Variants in OSBPL3 observed in about 807,000 individuals in gnomAD.
The protein encoded by OSBPL3 is oxysterol-binding protein-related protein 3.
OSBPL3 carries 65 observed loss-of-function variants against 120.1 expected under a neutral mutation model. That is an observed-to-expected ratio of 0.54 (90% CI 0.44 to 0.67). OSBPL3 has a LOEUF of 0.67. Among genes scored for constraint, OSBPL3 ranks in the 30% least tolerant of loss-of-function variants. The pLI, the probability that OSBPL3 is intolerant of heterozygous loss-of-function variation, is 0.00. For synonymous variants in OSBPL3, 416 were observed against 402.6 expected, an observed-to-expected ratio of 1.03 and a Z score of -0.40; for missense variants, 1,004 against 1,082.1, an observed-to-expected ratio of 0.93 and a Z score of 1.01.
chr7:24,841,904 C>T (rs1209428220), intron 13 of OSBPL3, among the ~76,000 whole-genome samples: 1 of 150,080 alleles, frequency 6.7e-6, no homozygotes, highest in Non-Finnish European at 1.5e-5. Context: ...TCCCAGCTAC[C>T]TGGTAGGCTG....
intron 19 of OSBPL3, among the ~76,000 whole-genome samples, chr7:24,814,553 C>T (rs113409379): frequency 0.03 from 4,500 of 152,128 alleles, 193 homozygotes; most frequent in African/African-American, 0.096. Flanking sequence ...AATACATTCA[C>T]AATGCTGTGC....
chr7:24,899,500 T>C lies in OSBPL3; in HGVS notation c.-149-6879A>G, dbSNP rs1287199631. ...ACCATCATTATAATCATTATTAAAT[T>C]ATCACATGTTAATTTTGACCCATGT... is the stretch of plus-strand genomic sequence containing the variant. On this transcript the variant is annotated intron_variant, in intron 1 of 22. Transcript: ENST00000313367. The surrounding 1 kb of genome is among the most constrained non-coding windows in gnomAD (Gnocchi z 4.0). 2.6e-5 allele frequency among the ~76,000 whole-genome samples: 4 copies of C among 152,240 alleles called. No homozygotes were observed. Among genetic ancestry groups the C allele is most frequent in the African/African-American group, 9.6e-5 (4 of 41,460 alleles).
chr7:24,806,967 C>T lies in OSBPL3; in HGVS notation c.2318-65G>A. The T allele has an allele frequency of 6.9e-7, 1 of 1,451,832 alleles. No homozygotes were observed. The highest frequency in any genetic ancestry group is 9.3e-7 in the Non-Finnish European group (1 of 1,075,218). The allele number at this position is 1,451,832 out of a possible 1,614,324, so 89.9% of individuals were successfully genotyped here. A position where few individuals can be genotyped will look rare whatever the true frequency, so the allele number is the denominator to read the frequency against. On this transcript the variant is annotated intron_variant, in intron 20 of 22. Coordinates refer to ENST00000313367, the MANE Select transcript of OSBPL3 (RefSeq NM_015550.4). This position sits in a 1 kb window ranked among gnomAD's most constrained non-coding sequence, Gnocchi z 5.2. ...TACTTATGTTACATTTTAATTCCTT[C>T]ACCTTTTTCGTCTCAGCCTAGCTAC...
intron 10 of OSBPL3, among the ~76,000 whole-genome samples, chr7:24,860,559 G>GT (rs1242038909): frequency 6.6e-6 from 1 of 152,120 alleles, no homozygotes; most frequent in African/African-American, 2.4e-5. Flanking sequence ...TGCCATGATT[G>GT]TGAGGCCTCC....
At position 24,817,080 on chromosome 7, in the gene OSBPL3, CAGG is replaced by C. The variant is rs1399004289; in HGVS notation, c.1949-395_1949-393del. 6.6e-5 allele frequency among the ~76,000 whole-genome samples: 10 copies of C among 152,108 alleles called. No homozygotes were observed. Among genetic ancestry groups the C allele is most frequent in the Non-Finnish European group, 5.9e-5 (4 of 68,024 alleles). ...TCTAAATGGGGCTTTGAGGAATAAG[CAGG>C]AGTTCACTGGGCAGAGAAAAAGCAA... On this transcript the variant is annotated intron_variant, in intron 17 of 22. Transcript: ENST00000313367. The surrounding 1 kb of genome is among the most constrained non-coding windows in gnomAD (Gnocchi z 4.0).
intron 1 of OSBPL3, among the ~76,000 whole-genome samples, chr7:24,919,840 G>T (rs1212596180): frequency 6.6e-6 from 1 of 150,896 alleles, no homozygotes; most frequent in Non-Finnish European, 1.5e-5. Context: ...ATTTTAAACA[G>T]GCATATAACT....
At position 24,907,105 on chromosome 7, in the gene OSBPL3, C is replaced by G. The variant is rs1057457244; in HGVS notation, c.-149-14484G>C. On this transcript the variant is annotated intron_variant, in intron 1 of 22. Coordinates refer to ENST00000313367, the MANE Select transcript of OSBPL3 (RefSeq NM_015550.4). ...TCTCCCTGACACTGACCTCATCACCCCCCAATGTGTTTTATATTCTTCTAT... is the reference window on the plus strand; with the variant it reads ...TCTCCCTGACACTGACCTCATCACCGCCCAATGTGTTTTATATTCTTCTAT... 2.0e-5 allele frequency among the ~76,000 whole-genome samples: 3 copies of G among 152,148 alleles called. No homozygotes were observed. In the South Asian group the frequency reaches 6.2e-4, roughly 32 times the overall value.
In OSBPL3 at chr7:24,800,488, G is replaced by A. The variant is rs528969718; in HGVS notation, c.2568-209C>T. ...TTTTTTTTTTTTGAGATGGAGGCTC[G>A]CTCTGTCATCCAGGCTGGAGTGTAG... On this transcript the variant is annotated intron_variant, in intron 22 of 22. Coordinates refer to ENST00000313367, the MANE Select transcript of OSBPL3 (RefSeq NM_015550.4). Among the ~76,000 whole-genome samples the A allele has an allele frequency of 2.9e-5, 4 of 136,848 alleles. 1 individual carries two copies. Among genetic ancestry groups the A allele is most frequent in the Middle Eastern group, 8.2e-3 (2 of 244 alleles). The allele number at this position is 136,848 out of a possible 152,430, so 89.8% of individuals were successfully genotyped here. A position where few individuals can be genotyped will look rare whatever the true frequency, so the allele number is the denominator to read the frequency against.
Position 24,947,019 on chromosome 7 carries a change from TACA to T in OSBPL3, c.-150+32864_-150+32866del, listed in dbSNP as rs535015497. On this transcript the variant is annotated intron_variant, in intron 1 of 22. Transcript: ENST00000313367. The surrounding 1 kb of genome is among the most constrained non-coding windows in gnomAD (Gnocchi z 4.4). ...TTGCCGCTTTCATGTCTTTAAATTG[TACA>T]ACAAAGAAAACAATCTGTACCACAG... Among the ~76,000 whole-genome samples the T allele has an allele frequency of 3.3e-4, 50 of 152,326 alleles. No individual in the cohort carries two copies. The highest frequency in any genetic ancestry group is 1.1e-3 in the African/African-American group (46 of 41,578).
At chr7:24,811,760 T>C (rs1000906582) in intron 19 of OSBPL3, among the ~76,000 whole-genome samples, 1 of 152,236 alleles carries the variant, frequency 6.6e-6, no homozygotes, top group Non-Finnish European at 1.5e-5. Context: ...GAGACTGTCC[T>C]TTCCCCATTG....
intron 10 of OSBPL3, among the ~76,000 whole-genome samples, chr7:24,858,980 T>C (rs1174850866): frequency 6.6e-6 from 1 of 152,236 alleles, no homozygotes; most frequent in Non-Finnish European, 1.5e-5. Context: ...TAATTGCAAC[T>C]GATTATTTTA....
rs56135680 is a variant in OSBPL3, at chr7:24,947,778, T to TCACACACACA, written c.-150+32098_-150+32107dup. On this transcript the variant is annotated intron_variant, in intron 1 of 22. Transcript: ENST00000313367. This position sits in a 1 kb window ranked among gnomAD's most constrained non-coding sequence, Gnocchi z 4.4. ...ATGTATACATACATATCCAATTAAA[T>TCACACACACA]CACACACACACACACACACACACAC... Among the ~76,000 whole-genome samples the TCACACACACA allele has an allele frequency of 8.0e-4, 118 of 148,226 alleles. No homozygotes were observed. Among genetic ancestry groups the TCACACACACA allele is most frequent in the African/African-American group, 2.6e-3 (104 of 40,158 alleles).
Position 24,865,605 on chromosome 7 carries a change from C to T in OSBPL3, c.550-140G>A, listed in dbSNP as rs112073845. ...TGAGGAAGAAGCTTCTAGCAAAGTA[C>T]TAAGACCTCTGGCTATCACCCCGGC... On this transcript the variant is annotated intron_variant, in intron 6 of 22. Coordinates refer to ENST00000313367, the MANE Select transcript of OSBPL3 (RefSeq NM_015550.4). 1,343 of 795,076 alleles carry T rather than the reference C, an allele frequency of 1.7e-3. 11 individuals carry two copies. The highest frequency in any genetic ancestry group is 0.017 in the African/African-American group (955 of 57,464). The allele number at this position is 795,076 out of a possible 1,614,324, so 49.3% of individuals were successfully genotyped here.
intron 14 of OSBPL3, among the ~76,000 whole-genome samples, chr7:24,837,858 T>TA (rs1381192931): frequency 6.6e-6 from 1 of 152,164 alleles, no homozygotes; most frequent in Non-Finnish European, 1.5e-5. Context: ...TCTGTATTCT[T>TA]AAACACTTAA....
In OSBPL3 at chr7:24,833,701, T is replaced by C. The variant is rs1419466024; in HGVS notation, c.1746+785A>G. 6.6e-6 allele frequency among the ~76,000 whole-genome samples: 1 copy of C among 151,996 alleles called. No homozygotes were observed. The highest frequency in any genetic ancestry group is 1.5e-5 in the Non-Finnish European group (1 of 68,018). ...AGACAATGACCTTACTGCTCTAAGG[T>C]CACTGAATATAAGGAAGCAAAAAGC... is the stretch of plus-strand genomic sequence containing the variant. On this transcript the variant is annotated intron_variant, in intron 15 of 22. Transcript: ENST00000313367. This position sits in a 1 kb window ranked among gnomAD's most constrained non-coding sequence, Gnocchi z 4.4.
At position 24,849,019 on chromosome 7, in the gene OSBPL3, G is replaced by T; in HGVS notation, c.1266+50C>A. The T allele has an allele frequency of 7.8e-7, 1 of 1,288,542 alleles. No individual in the cohort carries two copies. The highest frequency in any genetic ancestry group is 1.1e-6 in the Non-Finnish European group (1 of 888,802). The allele number at this position is 1,288,542 out of a possible 1,614,324, so 79.8% of individuals were successfully genotyped here. A position where few individuals can be genotyped will look rare whatever the true frequency, so the allele number is the denominator to read the frequency against. On this transcript the variant is annotated intron_variant, in intron 12 of 22. Coordinates refer to ENST00000313367, the MANE Select transcript of OSBPL3 (RefSeq NM_015550.4). This position sits in a 1 kb window ranked among gnomAD's most constrained non-coding sequence, Gnocchi z 5.4. ...CGTGCAATGGGACAGATGGTATCAC[G>T]GGAGCGGGCGGCAGCTGGGGAGACA...
intron 1 of OSBPL3, among the ~76,000 whole-genome samples, chr7:24,924,978 G>A (rs574425852): frequency 3.7e-4 from 56 of 152,254 alleles, no homozygotes; most frequent in African/African-American, 1.3e-3. Flanking sequence ...AAGAAGACAA[G>A]GGAGAAGGCA....
At position 24,898,008 on chromosome 7, in the gene OSBPL3, A is replaced by C. The variant is rs1232630623; in HGVS notation, c.-149-5387T>G. The stretch of plus-strand genomic sequence containing the variant: ...ATTTCCCAGTAAAATATATAAAGAA[A>C]TTATGTCCTGAATTAACGTTAGAAA... On this transcript the variant is annotated intron_variant, in intron 1 of 22. Coordinates refer to ENST00000313367, the MANE Select transcript of OSBPL3 (RefSeq NM_015550.4). The surrounding 1 kb of genome is among the most constrained non-coding windows in gnomAD (Gnocchi z 4.3). 1.3e-5 allele frequency among the ~76,000 whole-genome samples: 2 copies of C among 152,192 alleles called. No individual in the cohort carries two copies. Among genetic ancestry groups the C allele is most frequent in the Non-Finnish European group, 2.9e-5 (2 of 68,034 alleles).
chr7:24,863,460 G>C lies in OSBPL3; in HGVS notation c.777+36C>G, dbSNP rs766168882. 2.0e-6 allele frequency: 3 copies of C among 1,525,658 alleles called. No individual in the cohort carries two copies. The highest frequency in any genetic ancestry group is 1.7e-4 in the Middle Eastern group (1 of 5,892). 94.5% of individuals were successfully genotyped at this position (1,525,658 alleles called of 1,614,324 possible). A position where few individuals can be genotyped will look rare whatever the true frequency, so the allele number is the denominator to read the frequency against. On this transcript the variant is annotated intron_variant, in intron 8 of 22. Transcript: ENST00000313367. The surrounding 1 kb of genome is among the most constrained non-coding windows in gnomAD (Gnocchi z 5.8). ...TGGGAGGAGAAAGGAAAGCAGAAGA[G>C]GGCCAGAATGTCAACAGAAGAGGAG...
Sources: allele counts gnomAD v4.1 joint callset (sites outside exome capture counted in the v4.1 genomes callset), GRCh38; gene constraint gnomAD v4.1.1; non-coding constraint Gnocchi (gnomAD v3.1); transcripts MANE v1.5; gene names NCBI Gene and HGNC (gene_info 2026-07-23, HGNC 2026-07-21).